The following SLC8A1 variants were observed in gnomAD, a reference collection of about 807,000 sequenced individuals.
SLC8A1 encodes sodium/calcium exchanger 1.
SLC8A1 carries 18 observed loss-of-function variants against 68.3 expected under a neutral mutation model. That is an observed-to-expected ratio of 0.26 (90% CI 0.18 to 0.39). SLC8A1 has a LOEUF of 0.39. SLC8A1 is among the 10% of genes least tolerant of loss of function. The probability of loss-of-function intolerance (pLI) is 1.00; values close to 1 mark genes in which losing one functional copy is unlikely to be tolerated. For missense variants in SLC8A1, 985 were observed against 1,156.7 expected (o/e 0.85, Z 2.15); for synonymous variants, 475 against 415.5 (o/e 1.14, Z -1.74).
At chr2:40,346,350 T>C (rs1180453718) in intron 2 of SLC8A1, among the ~76,000 whole-genome samples, 1 of 152,148 alleles carries the variant, frequency 6.6e-6, no homozygotes, top group Non-Finnish European at 1.5e-5. Context: ...CTTGAATCCA[T>C]GCTACTCAAA....
intron 2 of SLC8A1, among the ~76,000 whole-genome samples, chr2:40,268,371 T>C (rs1047278932): frequency 1.3e-5 from 2 of 152,186 alleles, no homozygotes; most frequent in Non-Finnish European, 2.9e-5. Context: ...AAAGTAAAGT[T>C]TGAGAAACAT....
intron 1 of SLC8A1, among the ~76,000 whole-genome samples, chr2:40,496,668 G>T (rs1337161160): frequency 6.6e-6 from 1 of 151,930 alleles, no homozygotes; most frequent in African/African-American, 2.4e-5. Flanking sequence ...CAGTTTTTGA[G>T]ATTGATGAGT....
exon 2 of SLC8A1, chr2:40,428,921 C>A: frequency 1.2e-6 from 2 of 1,613,824 alleles, no homozygotes; most frequent in Non-Finnish European, 1.7e-6. Flanking sequence ...TAATCAGACC[C>A]AGCATTTGCT....
At chr2:40,247,762 G>A (rs938149966) in intron 2 of SLC8A1, among the ~76,000 whole-genome samples, 5 of 152,136 alleles carry the variant, frequency 3.3e-5, no homozygotes, top group Admixed American at 1.3e-4. Flanking sequence ...GATTATCCCT[G>A]GAAGCCCTCA....
intron 6 of SLC8A1, among the ~76,000 whole-genome samples, chr2:40,149,017 T>A (rs1354081020): frequency 6.6e-6 from 1 of 152,106 alleles, no homozygotes; most frequent in Admixed American, 6.5e-5. Flanking sequence ...ATCTGGAAAA[T>A]CTCTCTTTCC....
intron 2 of SLC8A1, among the ~76,000 whole-genome samples, chr2:40,183,970 A>G (rs2050132112): frequency 6.6e-6 from 1 of 152,132 alleles, no homozygotes; most frequent in African/African-American, 2.4e-5. Flanking sequence ...AGCCTGGGCA[A>G]CAAAGTGAGA....
intron 2 of SLC8A1, chr2:40,251,529 A>G (rs1447298952): frequency 1.3e-5 from 2 of 152,198 alleles, no homozygotes; most frequent in African/African-American, 4.8e-5. Context: ...ATCTTAGTAA[A>G]TCACCTGTAA....
At chr2:40,414,154 A>T (rs2149711916) in intron 2 of SLC8A1, among the ~76,000 whole-genome samples, 1 of 152,332 alleles carries the variant, frequency 6.6e-6, no homozygotes, top group Non-Finnish European at 1.5e-5. Context: ...CATGAATCAA[A>T]GTCATTACAG....
At chr2:40,139,783 G>C in intron 6 of SLC8A1, 107 bp from the exon 10 acceptor site, 1 of 1,088,848 alleles carries the variant, frequency 9.2e-7, no homozygotes, top group South Asian at 1.5e-5. Flanking sequence ...TCTGTGACAG[G>C]AGGCCATGAG....
chr2:40,265,233 T>C (rs1410373625), intron 2 of SLC8A1, among the ~76,000 whole-genome samples: 1 of 152,194 alleles, frequency 6.6e-6, no homozygotes, highest in Non-Finnish European at 1.5e-5. Context: ...CACTGCAATG[T>C]TTACAGTTGT....
At chr2:40,447,605 A>AG (rs1409578960) in intron 1 of SLC8A1, among the ~76,000 whole-genome samples, 2 of 133,930 alleles carry the variant, frequency 1.5e-5, no homozygotes, top group Non-Finnish European at 3.1e-5. Flanking sequence ...AAAAAAAAAA[A>AG]AAAGAAAGAA....
chr2:40,393,219 GA>G (rs1404099337), intron 2 of SLC8A1, among the ~76,000 whole-genome samples: 1 of 120,460 alleles, frequency 8.3e-6, no homozygotes, highest in African/African-American at 3.5e-5. Context: ...TGAAAATTCC[GA>G]AAGTACAATG....
At chr2:40,098,211 C>A (rs184841904) in exon 8 of SLC8A1, 2 of 152,100 alleles carry the variant, frequency 1.3e-5, no homozygotes, top group East Asian at 3.9e-4. Context: ...AGGAATATGG[C>A]TGAGTGTACA....
chr2:40,357,506 A>AAAC (rs1390531942), intron 2 of SLC8A1, among the ~76,000 whole-genome samples: 11 of 151,268 alleles, frequency 7.3e-5, no homozygotes, highest in Middle Eastern at 3.2e-3. Context: ...TTAAAAAAAA[A>AAAC]AAAAAAAAAA....
intron 2 of SLC8A1, among the ~76,000 whole-genome samples, chr2:40,300,446 TA>T (rs544363643): frequency 2.0e-5 from 3 of 150,824 alleles, no homozygotes; most frequent in African/African-American, 4.9e-5. Context: ...TTCCATTCCA[TA>T]AAAAAAAAGA....
At chr2:40,438,397 C>G (rs1257482153) in intron 1 of SLC8A1, among the ~76,000 whole-genome samples, 1 of 152,094 alleles carries the variant, frequency 6.6e-6, no homozygotes, top group African/African-American at 2.4e-5. Context: ...TATAGTGAGC[C>G]CTTCCTATGT....
intron 1 of SLC8A1, among the ~76,000 whole-genome samples, chr2:40,510,697 C>A (rs1706666552): frequency 6.6e-6 from 1 of 152,206 alleles, no homozygotes; most frequent in African/African-American, 2.4e-5. Context: ...AGTTTATTCT[C>A]TCTCTCTCTT....
intron 2 of SLC8A1, among the ~76,000 whole-genome samples, chr2:40,213,656 A>AT (rs751759685): frequency 3.3e-5 from 5 of 152,162 alleles, no homozygotes; most frequent in African/African-American, 1.2e-4. Flanking sequence ...TCCCAAGGAC[A>AT]TTTTTTCCCC....
rs140839382 is a variant in SLC8A1, at chr2:40,101,833, G to A, written c.*13420C>T. 5.3e-5 allele frequency: 8 copies of A among 152,186 alleles called. No homozygotes were observed. In the East Asian group the frequency reaches 1.5e-3, roughly 29 times the overall value. 9.4% of individuals were successfully genotyped at this position (152,186 alleles called of 1,614,324 possible). A position where few individuals can be genotyped will look rare whatever the true frequency, so the allele number is the denominator to read the frequency against. ...GGGCTTATTAAAGTCCATATTGCCA[G>A]GGTCACTCCAAAATTTTTGATTCAT... On this transcript the variant is annotated 3_prime_UTR_variant, in exon 8 of 8. Transcript: ENST00000406785.
Sources: gnomAD v4.1 joint callset for allele counts (sites outside exome capture counted in the v4.1 genomes callset) on GRCh38, gnomAD v4.1.1 for gene constraint, MANE v1.5 for transcripts, NCBI Gene and HGNC (gene_info 2026-07-23, HGNC 2026-07-21) for gene names.